Variants in TRANK1 observed in about 807,000 individuals in gnomAD.
TRANK1 encodes TPR and ankyrin repeat-containing protein 1.
In TRANK1, 198 loss-of-function variants were observed where a neutral mutation model predicts 266.0. That is an observed-to-expected ratio of 0.74 (90% CI 0.66 to 0.84). TRANK1 has a LOEUF of 0.84. TRANK1 is among the 40% of genes least tolerant of loss of function. TRANK1 has a pLI of 0.00. For synonymous variants in TRANK1, 1,396 were observed against 1,384.1 expected (o/e 1.01, Z -0.19); for missense variants, 3,326 against 3,634.6 (o/e 0.92, Z 2.18).
chr3:36,899,587 A>G (rs1309830225), intron 3 of TRANK1, among the ~76,000 whole-genome samples: 1 of 152,210 alleles, frequency 6.6e-6, no homozygotes, highest in Non-Finnish European at 1.5e-5. Context: ...TGAGCCCAGG[A>G]GATAGAGGCT....
In TRANK1 at chr3:36,841,037, A is replaced by G. The variant is rs2078836535; in HGVS notation, c.5280+1585T>C. ...TTCGAAGAACTGGAGCTGAGAAAACATTGGAAATTCCTTCTCCAGGCATGT... is the reference window on the plus strand; with the variant it reads ...TTCGAAGAACTGGAGCTGAGAAAACGTTGGAAATTCCTTCTCCAGGCATGT... On this transcript the variant is annotated intron_variant, in intron 18 of 23. Coordinates refer to ENST00000645898, the MANE Select transcript of TRANK1 (RefSeq NM_001329998.2). 2.0e-5 allele frequency among the ~76,000 whole-genome samples: 3 copies of G among 152,228 alleles called. No individual in the cohort carries two copies. The South Asian group carries it at 6.2e-4, about 32-fold the overall frequency.
intron 20 of TRANK1, among the ~76,000 whole-genome samples, chr3:36,835,693 T>C (rs1008610926): frequency 1.3e-5 from 2 of 152,206 alleles, no homozygotes; most frequent in Admixed American, 6.5e-5. Context: ...TACTGTCCAA[T>C]AGAAGTTTCT....
intron 1 of TRANK1, among the ~76,000 whole-genome samples, chr3:36,929,883 ATTG>A (rs201004320): frequency 0.056 from 8,343 of 148,984 alleles, 309 homozygotes; most frequent in African/African-American, 0.099. Context: ...GATGCAGCAG[ATTG>A]TTGTTGTTGT....
At chr3:36,919,701 T>C (rs1012489710) in intron 1 of TRANK1, among the ~76,000 whole-genome samples, 1 of 152,252 alleles carries the variant, frequency 6.6e-6, no homozygotes, top group African/African-American at 2.4e-5. Context: ...GTTTTCCAAG[T>C]GGTTGAACCA....
chr3:36,838,960 A>AT (rs1226888834), intron 18 of TRANK1, among the ~76,000 whole-genome samples: 1 of 152,220 alleles, frequency 6.6e-6, no homozygotes, highest in East Asian at 1.9e-4. Flanking sequence ...CAGAATATGT[A>AT]TTTTTTCAAG....
rs964827169 is a variant in TRANK1 at position 36,905,060 on chromosome 3, G to A, written c.156-1785C>T. ...ATCCCAGCACTTTAGGAGGCCGAGC[G>A]GGCGGATCACGAGGTCAGGAGATCG... is the stretch of plus-strand genomic sequence containing the variant. On this transcript the variant is annotated intron_variant, in intron 2 of 23. Coordinates refer to ENST00000645898, the MANE Select transcript of TRANK1 (RefSeq NM_001329998.2). Among the ~76,000 whole-genome samples, 52 of 151,870 alleles carry A rather than the reference G, an allele frequency of 3.4e-4. 1 individual carries two copies. The highest frequency in any genetic ancestry group is 1.0e-3 in the African/African-American group (42 of 41,390).
intron 8 of TRANK1, among the ~76,000 whole-genome samples, chr3:36,882,148 C>A (rs368533468): frequency 2.0e-5 from 3 of 152,282 alleles, no homozygotes; most frequent in East Asian, 3.9e-4. Context: ...ACTTTCTGAG[C>A]AACTGTCAAA....
intron 1 of TRANK1, among the ~76,000 whole-genome samples, chr3:36,929,884 T>TTGTTGTTGC (rs1228325555): frequency 3.5e-5 from 1 of 28,470 alleles, no homozygotes; most frequent in Non-Finnish European, 1.0e-4. Flanking sequence ...ATGCAGCAGA[T>TTGTTGTTGC]TGTTGTTGTT....
chr3:36,892,263 T>C lies in TRANK1; in HGVS notation c.714A>G (p.Ala238=). The change falls in exon 7 of 24, where the codon GCA becomes GCG. Residue 238 remains alanine (A), a synonymous_variant. Transcript: ENST00000645898. ...GATACGGTCCTATAGTCTCAACACT[T>C]GCACCAATGGAGATGAGCCACTGGA... ...KLVQWLISIG[A]SVETIGPYPL... is the part of the protein sequence containing the mutation. 2 of 1,537,128 alleles carry C rather than the reference T, an allele frequency of 1.3e-6. No homozygotes were observed. The highest frequency in any genetic ancestry group is 1.7e-6 in the Non-Finnish European group (2 of 1,146,876).
At chr3:36,913,590 T>C (rs529155285) in intron 1 of TRANK1, among the ~76,000 whole-genome samples, 24 of 152,162 alleles carry the variant, frequency 1.6e-4, no homozygotes, top group Non-Finnish European at 2.8e-4. Context: ...AGGATAAAAA[T>C]CCAAAGTCAG....
chr3:36,908,544 T>A (rs2080007089), intron 1 of TRANK1, 90 bp from the exon 2 acceptor site: 1 of 1,231,294 alleles, frequency 8.1e-7, no homozygotes, highest in Non-Finnish European at 1.0e-6. Context: ...GGAGAAGGAG[T>A]TCGCTCACTA....
At position 36,892,882 on chromosome 3, in the gene TRANK1, G is replaced by A; in HGVS notation, c.636+19C>T. The A allele has an allele frequency of 1.1e-6, 1 of 896,154 alleles. No homozygotes were observed. The highest frequency in any genetic ancestry group is 1.5e-6 in the Non-Finnish European group (1 of 651,198). 55.5% of individuals were successfully genotyped at this position (896,154 alleles called of 1,614,324 possible). ...ATATATATATATATAGATATATATA[G>A]ATATATATATCACCTTACCTCAAAG... is the stretch of plus-strand genomic sequence containing the variant. On this transcript the variant is annotated intron_variant, in intron 6 of 23. Transcript: ENST00000645898.
At position 36,831,772 on chromosome 3, in the gene TRANK1, G is replaced by A. The variant is rs2078697923; in HGVS notation, c.7811C>T (p.Pro2604Leu). 5 of 1,613,962 alleles carry A rather than the reference G, an allele frequency of 3.1e-6. No homozygotes were observed. The highest frequency in any genetic ancestry group is 4.2e-6 in the Non-Finnish European group (5 of 1,179,888). ...SRLQLMSMDC[P>L]GQVPERLLKV... is the part of the protein sequence containing the mutation. ...CAGGAGCCTCTCGGGAACCTGGCCA[G>A]GGCAGTCCATGCTCATGAGCTGCAG... Residue 2604 changes from proline (P) to leucine (L), a missense_variant, in exon 22 of 24, where the codon CCT becomes CTT. Coordinates refer to ENST00000645898, the MANE Select transcript of TRANK1 (RefSeq NM_001329998.2). The surrounding 1 kb of genome is among the most constrained non-coding windows in gnomAD (Gnocchi z 5.0).
intron 1 of TRANK1, among the ~76,000 whole-genome samples, chr3:36,917,320 A>G (rs2080139909): frequency 6.6e-6 from 1 of 152,250 alleles, no homozygotes; most frequent in Admixed American, 6.5e-5. Flanking sequence ...TGAACCAAAT[A>G]GAAATATATT....
chr3:36,848,543 T>C (rs1237810422), intron 15 of TRANK1, among the ~76,000 whole-genome samples: 1 of 152,228 alleles, frequency 6.6e-6, no homozygotes, highest in African/African-American at 2.4e-5. Flanking sequence ...TAAAGCATGC[T>C]GAAAAGGTGA....
At chr3:36,886,033 G>C (rs2079598305) in intron 8 of TRANK1, among the ~76,000 whole-genome samples, 1 of 152,096 alleles carries the variant, frequency 6.6e-6, no homozygotes, top group African/African-American at 2.4e-5. Context: ...GAGCCTGTGA[G>C]AGTTGAGAAG....
At chr3:36,879,711 T>TATATAAATATATAAATATATAAATATAA (rs2079459134) in intron 8 of TRANK1, among the ~76,000 whole-genome samples, 1 of 100,782 alleles carries the variant, frequency 9.9e-6, no homozygotes, top group Non-Finnish European at 1.8e-5. Context: ...TAAATATAAA[T>TATATAAATATATAAATATATAAATATAA]ATATAAATAT....
At chr3:36,883,444 CAAAA>C (rs34988717) in intron 8 of TRANK1, among the ~76,000 whole-genome samples, 9 of 93,460 alleles carry the variant, frequency 9.6e-5, no homozygotes, top group Admixed American at 5.3e-4. Flanking sequence ...GACTCTGTCT[CAAAA>C]AAAAAAAAAA....
At chr3:36,891,228 T>C (rs2079689844) in intron 7 of TRANK1, among the ~76,000 whole-genome samples, 1 of 151,924 alleles carries the variant, frequency 6.6e-6, no homozygotes, top group East Asian at 1.9e-4. Flanking sequence ...TAATCCCAGA[T>C]ACTCGGGGGG....
Sources: gnomAD v4.1 joint callset for allele counts (sites outside exome capture counted in the v4.1 genomes callset) on GRCh38, gnomAD v4.1.1 for gene constraint, Gnocchi (gnomAD v3.1) non-coding constraint, MANE v1.5 for transcripts, NCBI Gene and HGNC (gene_info 2026-07-23, HGNC 2026-07-21) for gene names.